The following ERBB4 variants were observed in gnomAD, a reference collection of about 807,000 sequenced individuals.
The protein encoded by ERBB4 is erb-b2 receptor tyrosine kinase 4.
A neutral mutation model predicts 158.0 loss-of-function variants in ERBB4; 42 were observed. The observed-to-expected ratio is 0.27, with a 90% CI of 0.21 to 0.34. ERBB4 has a LOEUF of 0.34. ERBB4 is among the 10% of genes least tolerant of loss of function. ERBB4 has a pLI of 1.00. For missense variants in ERBB4, 1,333 were observed against 1,624.1 expected, an observed-to-expected ratio of 0.82 and a Z score of 3.08; for synonymous variants, 583 against 558.7, an observed-to-expected ratio of 1.04 and a Z score of -0.61.
intron 3 of ERBB4, among the ~76,000 whole-genome samples, chr2:211,913,322 G>A (rs891368221): frequency 6.6e-5 from 10 of 152,146 alleles, no homozygotes; most frequent in East Asian, 3.9e-4. Context: ...GCAATAGGCC[G>A]GGTGCAGTGG....
intron 3 of ERBB4, among the ~76,000 whole-genome samples, chr2:211,799,510 G>A (rs547038638): frequency 1.8e-4 from 28 of 152,278 alleles, no homozygotes; most frequent in African/African-American, 6.5e-4. Context: ...CAACATTCAA[G>A]AAGGGAAAAC....
In ERBB4 at chr2:211,378,504, T is replaced by C. The variant is rs1258996660; in HGVS notation, c.*5111A>G. On this transcript the variant is annotated 3_prime_UTR_variant, in exon 28 of 28. Transcript: ENST00000342788. ...AAGCAGCTCACACTGCTAAAAGATATTTGCCCACACAAACACAAGGGCCCC... is the reference window on the plus strand; with the variant it reads ...AAGCAGCTCACACTGCTAAAAGATACTTGCCCACACAAACACAAGGGCCCC... 4.3e-6 allele frequency: 1 copy of C among 232,666 alleles called. No individual in the cohort carries two copies. The highest frequency in any genetic ancestry group is 8.5e-6 in the Non-Finnish European group (1 of 117,446). 14.4% of individuals were successfully genotyped at this position (232,666 alleles called of 1,614,324 possible).
chr2:212,174,634 G>A (rs1322380972), intron 1 of ERBB4, among the ~76,000 whole-genome samples: 6 of 152,012 alleles, frequency 3.9e-5, no homozygotes, highest in Admixed American at 3.9e-4. Flanking sequence ...ATTTCTGCTT[G>A]AAGCAGTTCA....
rs1281161166 is a variant in ERBB4 at position 211,944,189 on chromosome 2, ATATATATATAC to A, written c.421+3230_421+3240del. ...CTATATATATATACTATATATATAT[ATATATATATAC>A]TATATATATATATACACACACACAC... On this transcript the variant is annotated intron_variant, in intron 3 of 27. Coordinates refer to ENST00000342788, the MANE Select transcript of ERBB4 (RefSeq NM_005235.3). 7.7e-5 allele frequency among the ~76,000 whole-genome samples: 4 copies of A among 51,720 alleles called. No individual in the cohort carries two copies. In the East Asian group the frequency reaches 1.1e-3, roughly 15 times the overall value. The allele number at this position is 51,720 out of a possible 152,430, so 33.9% of individuals were successfully genotyped here.
intron 20 of ERBB4, among the ~76,000 whole-genome samples, chr2:211,448,698 CACTTTTAAG>C (rs1402795547): frequency 6.6e-6 from 1 of 152,096 alleles, no homozygotes; most frequent in Non-Finnish European, 1.5e-5. Flanking sequence ...CATCAATTTA[CACTTTTAAG>C]ATTAAGCCCA....
At chr2:211,546,165 T>C (rs1280490945) in intron 20 of ERBB4, among the ~76,000 whole-genome samples, 3 of 152,056 alleles carry the variant, frequency 2.0e-5, no homozygotes, top group African/African-American at 7.2e-5. Flanking sequence ...ATCACAATAA[T>C]AGCTATCAAC....
At chr2:212,066,912 G>C (rs1418142805) in intron 2 of ERBB4, among the ~76,000 whole-genome samples, 1 of 151,840 alleles carries the variant, frequency 6.6e-6, no homozygotes, top group Admixed American at 6.6e-5. Flanking sequence ...GAAACTGATG[G>C]GTTTGTGAAA....
At chr2:212,532,179 G>C (rs1560571916) in intron 1 of ERBB4, among the ~76,000 whole-genome samples, 1 of 152,198 alleles carries the variant, frequency 6.6e-6, no homozygotes, top group African/African-American at 2.4e-5. Flanking sequence ...GCTGCCACTA[G>C]TTTATATTAT....
chr2:211,536,452 C>T (rs2066656627), intron 20 of ERBB4, among the ~76,000 whole-genome samples: 1 of 152,018 alleles, frequency 6.6e-6, no homozygotes, highest in Non-Finnish European at 1.5e-5. Flanking sequence ...AGAGGCAGGT[C>T]TTCAGACATT....
At chr2:212,107,568 A>T (rs1032928193) in intron 2 of ERBB4, among the ~76,000 whole-genome samples, 4 of 152,132 alleles carry the variant, frequency 2.6e-5, no homozygotes, top group Non-Finnish European at 4.4e-5. Flanking sequence ...CTGAAATGAG[A>T]TAAGACTTTG....
At chr2:211,413,065 G>A (rs1267267028) in intron 25 of ERBB4, among the ~76,000 whole-genome samples, 2 of 152,018 alleles carry the variant, frequency 1.3e-5, no homozygotes, top group African/African-American at 2.4e-5. Context: ...GGAGGCCAAG[G>A]AGGGAGGATT....
At chr2:212,099,273 C>T (rs1193527966) in intron 2 of ERBB4, among the ~76,000 whole-genome samples, 1 of 151,786 alleles carries the variant, frequency 6.6e-6, no homozygotes, top group Admixed American at 6.6e-5. Flanking sequence ...AAATAAAAGG[C>T]TACTGCTTCA....
intron 1 of ERBB4, among the ~76,000 whole-genome samples, chr2:212,382,177 C>T (rs1290107854): frequency 6.7e-6 from 1 of 148,762 alleles, no homozygotes; most frequent in Non-Finnish European, 1.5e-5. Context: ...TACACATGCA[C>T]ACATACATAT....
intron 25 of ERBB4, among the ~76,000 whole-genome samples, chr2:211,397,362 C>A (rs933964904): frequency 6.6e-6 from 1 of 152,166 alleles, no homozygotes; most frequent in South Asian, 2.1e-4. Flanking sequence ...CCCAGATTAG[C>A]CAGAATCATG....
chr2:212,525,968 A>AT (rs771956526), intron 1 of ERBB4, among the ~76,000 whole-genome samples: 18 of 152,040 alleles, frequency 1.2e-4, no homozygotes, highest in Non-Finnish European at 1.8e-4. Context: ...TATTACTGAT[A>AT]TTTTGACATA....
At position 212,166,131 on chromosome 2, in the gene ERBB4, C is replaced by G. The variant is rs1575733881; in HGVS notation, c.83-41228G>C. On this transcript the variant is annotated intron_variant, in intron 1 of 27. Coordinates refer to ENST00000342788, the MANE Select transcript of ERBB4 (RefSeq NM_005235.3). ...AACAAATATTGGCTAAGCAGCTACT[C>G]TCCTTTAGACACTAAATAAACTATT... 3.3e-5 allele frequency among the ~76,000 whole-genome samples: 5 copies of G among 152,072 alleles called. No individual in the cohort carries two copies. The South Asian group carries it at 1.0e-3, about 32-fold the overall frequency.
At chr2:211,703,272 T>G (rs1174881058) in intron 11 of ERBB4, among the ~76,000 whole-genome samples, 1 of 152,200 alleles carries the variant, frequency 6.6e-6, no homozygotes, top group Non-Finnish European at 1.5e-5. Context: ...ATTCAACGGA[T>G]AGTAAAAGTT....
chr2:211,642,394 T>C (rs528736745), intron 16 of ERBB4, among the ~76,000 whole-genome samples: 3 of 152,188 alleles, frequency 2.0e-5, no homozygotes, highest in African/African-American at 7.2e-5. Context: ...GTTTCTTCCC[T>C]GTCTGGTCAG....
chr2:211,589,946 G>C (rs1157493928), intron 19 of ERBB4, among the ~76,000 whole-genome samples: 1 of 152,092 alleles, frequency 6.6e-6, no homozygotes, highest in Non-Finnish European at 1.5e-5. Context: ...TGCCTCAATA[G>C]GTACAGTTCC....
Sources: allele counts gnomAD v4.1 joint callset (sites outside exome capture counted in the v4.1 genomes callset), GRCh38; gene constraint gnomAD v4.1.1; transcripts MANE v1.5; gene names NCBI Gene and HGNC (gene_info 2026-07-23, HGNC 2026-07-21).